ATP8A2: variants seen among roughly 807,000 people sequenced by gnomAD.
ATP8A2 encodes the protein ATPase phospholipid transporting 8A2.
Under a neutral mutation model 165.6 loss-of-function variants are expected in ATP8A2, and 100 were observed. That is an observed-to-expected ratio of 0.60 (90% CI 0.51 to 0.71). The LOEUF is 0.71. Among genes scored for constraint, ATP8A2 ranks in the 30% least tolerant of loss-of-function variants. The probability of loss-of-function intolerance (pLI) is 0.00; values close to 1 mark genes in which losing one functional copy is unlikely to be tolerated. For synonymous variants in ATP8A2, 543 were observed against 548.8 expected, an observed-to-expected ratio of 0.99 and a Z score of 0.15; for missense variants, 1,227 against 1,479.5, an observed-to-expected ratio of 0.83 and a Z score of 2.80.
chr13:25,916,671 T>A (rs528319130), intron 33 of ATP8A2, among the ~76,000 whole-genome samples: 1 of 152,302 alleles, frequency 6.6e-6, no homozygotes, highest in South Asian at 2.1e-4. Context: ...AATGAGGAAA[T>A]CGAAGCCCAG....
At chr13:25,669,847 C>A (rs1029264567) in intron 24 of ATP8A2, among the ~76,000 whole-genome samples, 4 of 152,168 alleles carry the variant, frequency 2.6e-5, no homozygotes, top group African/African-American at 9.7e-5. Flanking sequence ...CCCAAGGGAG[C>A]AGGAATGAAA....
At chr13:25,650,919 T>C (rs1260667667) in intron 24 of ATP8A2, among the ~76,000 whole-genome samples, 5 of 152,184 alleles carry the variant, frequency 3.3e-5, no homozygotes, top group Non-Finnish European at 4.4e-5. Flanking sequence ...TTTATATCCA[T>C]ATTTGAATGT....
intron 1 of ATP8A2, among the ~76,000 whole-genome samples, chr13:25,389,780 A>G (rs1369768519): frequency 6.6e-6 from 1 of 152,212 alleles, no homozygotes; most frequent in African/African-American, 2.4e-5. Flanking sequence ...CAAGGTGTTT[A>G]CCATCTGGCT....
chr13:25,488,866 T>C (rs1162053141), intron 2 of ATP8A2, among the ~76,000 whole-genome samples: 1 of 142,876 alleles, frequency 7.0e-6, no homozygotes, highest in African/African-American at 2.6e-5. Flanking sequence ...TTCAGATGAC[T>C]CCCCCACCCC....
At chr13:25,783,127 G>C (rs922195233) in intron 27 of ATP8A2, among the ~76,000 whole-genome samples, 1 of 151,928 alleles carries the variant, frequency 6.6e-6, no homozygotes, top group Non-Finnish European at 1.5e-5. Context: ...GTGGTTGTTT[G>C]AATCTGTGGA....
intron 35 of ATP8A2, among the ~76,000 whole-genome samples, chr13:26,010,863 T>C (rs1203006689): frequency 6.6e-6 from 1 of 152,202 alleles, no homozygotes; most frequent in Non-Finnish European, 1.5e-5. Context: ...CACCCTTAAT[T>C]GGGAATGAAT....
chr13:25,907,367 AT>A (rs1442471130), intron 33 of ATP8A2, among the ~76,000 whole-genome samples: 4 of 78,944 alleles, frequency 5.1e-5, no homozygotes, highest in Non-Finnish European at 1.1e-4. Context: ...AAATAAAAAA[AT>A]AAAATAAAAT....
At chr13:25,632,050 A>T (rs926125440) in intron 24 of ATP8A2, among the ~76,000 whole-genome samples, 3 of 151,978 alleles carry the variant, frequency 2.0e-5, no homozygotes, top group Non-Finnish European at 2.9e-5. Flanking sequence ...CGATTAATTT[A>T]CTAGAGTAGC....
chr13:25,933,235 A>G (rs1490718618), intron 33 of ATP8A2, among the ~76,000 whole-genome samples: 1 of 152,146 alleles, frequency 6.6e-6, no homozygotes, highest in African/African-American at 2.4e-5. Context: ...GGGCCAGCTC[A>G]GTTTCCCATC....
At chr13:25,464,125 C>T (rs2035572748) in intron 1 of ATP8A2, among the ~76,000 whole-genome samples, 1 of 152,186 alleles carries the variant, frequency 6.6e-6, no homozygotes, top group Admixed American at 6.5e-5. Flanking sequence ...GAAGACTTTC[C>T]TCTGCCAGAT....
intron 22 of ATP8A2, among the ~76,000 whole-genome samples, chr13:25,580,832 T>C (rs978663711): frequency 6.6e-6 from 1 of 152,208 alleles, no homozygotes; most frequent in Non-Finnish European, 1.5e-5. Context: ...TGAGCCACCA[T>C]GTCTGGCCCA....
At chr13:25,878,881 C>A (rs1354685387) in intron 33 of ATP8A2, among the ~76,000 whole-genome samples, 1 of 152,166 alleles carries the variant, frequency 6.6e-6, no homozygotes, top group African/African-American at 2.4e-5. Flanking sequence ...GCTGCCTTCC[C>A]ACTCTCTCTC....
At chr13:25,902,271 T>G (rs1019621759) in intron 33 of ATP8A2, among the ~76,000 whole-genome samples, 12 of 152,216 alleles carry the variant, frequency 7.9e-5, no homozygotes, top group African/African-American at 2.9e-4. Context: ...ATAATCTATC[T>G]GTGTGTGTTT....
chr13:25,400,361 C>CT (rs1298075707), intron 1 of ATP8A2, among the ~76,000 whole-genome samples: 1 of 152,118 alleles, frequency 6.6e-6, no homozygotes, highest in East Asian at 1.9e-4. Flanking sequence ...TTTTCCACTT[C>CT]TTTGCTTTCT....
At chr13:25,374,445 C>A (rs529049129) in intron 1 of ATP8A2, among the ~76,000 whole-genome samples, 2 of 152,230 alleles carry the variant, frequency 1.3e-5, no homozygotes, top group South Asian at 4.1e-4. Context: ...AGAAGCAGAT[C>A]GAGTGGTAGC....
intron 2 of ATP8A2, among the ~76,000 whole-genome samples, chr13:25,480,832 C>T (rs1220293975): frequency 6.7e-5 from 10 of 150,134 alleles, no homozygotes; most frequent in African/African-American, 1.5e-4. Flanking sequence ...TGTAGCGAGC[C>T]GAGATCACGC....
At chr13:25,869,254 TA>T (rs1190184584) in intron 33 of ATP8A2, among the ~76,000 whole-genome samples, 5 of 152,136 alleles carry the variant, frequency 3.3e-5, no homozygotes, top group African/African-American at 1.2e-4. Flanking sequence ...TGGTTACACA[TA>T]ATGCCAACTT....
chr13:25,590,463 T>A (rs1050505531), intron 24 of ATP8A2, among the ~76,000 whole-genome samples: 1 of 152,170 alleles, frequency 6.6e-6, no homozygotes, highest in Non-Finnish European at 1.5e-5. Context: ...ATAGGATACA[T>A]GTATACTTAA....
rs553344184 is a variant in ATP8A2 at position 25,795,947 on chromosome 13, A to G, written c.2679+20988A>G. The stretch of plus-strand genomic sequence containing the variant: ...GTTCACAGGACAGCATTTCACTAAC[A>G]TATCTTTTTTTTTTTTTTAAAAGAC... On this transcript the variant is annotated intron_variant, in intron 27 of 36. Transcript: ENST00000381655. Among the ~76,000 whole-genome samples, 18 of 151,634 alleles carry G rather than the reference A, an allele frequency of 1.2e-4. 1 individual carries two copies. The South Asian group carries it at 1.9e-3, about 16-fold the overall frequency.
Sources: allele counts gnomAD v4.1 joint callset (sites outside exome capture counted in the v4.1 genomes callset), GRCh38; gene constraint gnomAD v4.1.1; transcripts MANE v1.5; gene names NCBI Gene and HGNC (gene_info 2026-07-23, HGNC 2026-07-21).